The following ACRV1 variants were observed in gnomAD, a reference collection of about 807,000 sequenced individuals.
The protein encoded by ACRV1 is acrosomal protein SP-10.
A neutral mutation model predicts 29.2 loss-of-function variants in ACRV1; 17 were observed. That is an observed-to-expected ratio of 0.58 (90% CI 0.40 to 0.87). The LOEUF (loss-of-function observed/expected upper bound fraction) is 0.87. Among genes scored for constraint, ACRV1 ranks in the 40% least tolerant of loss-of-function variants. The pLI is 0.00. For synonymous variants in ACRV1, 98 were observed against 111.6 expected (o/e 0.88, Z 0.77); for missense variants, 294 against 316.0 (o/e 0.93, Z 0.53).
In ACRV1 at chr11:125,672,369, C is replaced by A. The variant is rs1350659735; in HGVS notation, c.*224G>T. On this transcript the variant is annotated 3_prime_UTR_variant, in exon 4 of 4. Coordinates refer to ENST00000533904, the MANE Select transcript of ACRV1 (RefSeq NM_001612.6). ...ATGTGAAATTTATTGAAAAAAAAAT[C>A]AGGAATATTGAGAGAAAGAGTTGGA... The A allele has an allele frequency of 8.3e-6, 4 of 479,130 alleles. No individual in the cohort carries two copies. Among genetic ancestry groups the A allele is most frequent in the East Asian group, 3.5e-5 (1 of 28,226 alleles). The allele number at this position is 479,130 out of a possible 1,614,324, so 29.7% of individuals were successfully genotyped here. A position where few individuals can be genotyped will look rare whatever the true frequency, so the allele number is the denominator to read the frequency against.
At position 125,680,732 on chromosome 11, in the gene ACRV1, T is replaced by G. The variant is rs751235218; in HGVS notation, c.49A>C (p.Arg17=). 2 of 1,613,430 alleles carry G rather than the reference T, an allele frequency of 1.2e-6. No individual in the cohort carries two copies. The highest frequency in any genetic ancestry group is 4.5e-5 in the East Asian group (2 of 44,882). ...GAAGCCTAGATCAAACACTCACCTC[T>G]GGCAGATCCAAGCAGATAAAGACTC... ...LMSLYLLGSA[R]GTSSQPNELS... The change falls in exon 1 of 4, where the codon AGA becomes CGA. Residue 17 remains arginine (R), a synonymous_variant. Transcript: ENST00000533904.
chr11:125,680,801 G>A lies in ACRV1; in HGVS notation c.-21C>T. The A allele has an allele frequency of 1.9e-6, 3 of 1,610,838 alleles. No homozygotes were observed. The highest frequency in any genetic ancestry group is 2.5e-6 in the Non-Finnish European group (3 of 1,177,364). ...TTCATCTGGATTTAGGAAAAGAGGG[G>A]ACCCCAGTGTGGGCCACAGCTTCTT... On this transcript the variant is annotated 5_prime_UTR_variant, in exon 1 of 4. Coordinates refer to ENST00000533904, the MANE Select transcript of ACRV1 (RefSeq NM_001612.6).
At chr11:125,674,664 A>C (rs1159739478) in intron 3 of ACRV1, among the ~76,000 whole-genome samples, 1 of 152,210 alleles carries the variant, frequency 6.6e-6, no homozygotes, top group Non-Finnish European at 1.5e-5. Context: ...ATCTTCCTGA[A>C]GAAGCGCTTT....
Position 125,680,786 on chromosome 11 carries a change from T to C in ACRV1, c.-6A>G. On this transcript the variant is annotated 5_prime_UTR_variant, in exon 1 of 4. Transcript: ENST00000533904. Reference sequence around the variant, plus strand: ...AGCAAGAGAAACCTGTTCATCTGGATTTAGGAAAAGAGGGGACCCCAGTGT... The same window carrying C: ...AGCAAGAGAAACCTGTTCATCTGGACTTAGGAAAAGAGGGGACCCCAGTGT... 1 of 1,613,364 alleles carries C rather than the reference T, an allele frequency of 6.2e-7. No homozygotes were observed. The highest frequency in any genetic ancestry group is 8.5e-7 in the Non-Finnish European group (1 of 1,179,500).
intron 3 of ACRV1, 78 bp from the exon 4 acceptor site, chr11:125,672,795 C>T (rs1942265834): frequency 1.9e-6 from 3 of 1,562,758 alleles, no homozygotes; most frequent in Non-Finnish European, 2.6e-6. Flanking sequence ...TGCTCAGTGT[C>T]TCCATGCAGG....
intron 3 of ACRV1, 115 bp from the exon 4 acceptor site, chr11:125,672,832 A>T: frequency 7.8e-7 from 1 of 1,281,566 alleles, no homozygotes; most frequent in Non-Finnish European, 1.1e-6. Context: ...CTTGTCCATT[A>T]TCCCTTCTCT....
chr11:125,672,835 C>T, intron 3 of ACRV1, 118 bp from the exon 4 acceptor site: 1 of 1,254,724 alleles, frequency 8.0e-7, no homozygotes, highest in Non-Finnish European at 1.1e-6. Context: ...GTCCATTATC[C>T]CTTCTCTTTC....
At position 125,671,751 on chromosome 11, in the gene ACRV1, G is replaced by A. The variant is rs1942209620; in HGVS notation, c.*842C>T. Reference sequence around the variant, plus strand: ...GAGTATGAATAAAGAAAACATCTCTGTGTCACATTTCCTTATTTGCAAAAA... The same window carrying A: ...GAGTATGAATAAAGAAAACATCTCTATGTCACATTTCCTTATTTGCAAAAA... On this transcript the variant is annotated 3_prime_UTR_variant, in exon 4 of 4. Transcript: ENST00000533904. 6.6e-6 allele frequency: 1 copy of A among 152,154 alleles called. No homozygotes were observed. Among genetic ancestry groups the A allele is most frequent in the African/African-American group, 2.4e-5 (1 of 41,428 alleles). The allele number at this position is 152,154 out of a possible 1,614,324, so 9.4% of individuals were successfully genotyped here. A position where few individuals can be genotyped will look rare whatever the true frequency, so the allele number is the denominator to read the frequency against.
At chr11:125,675,101 C>A (rs923927391) in intron 3 of ACRV1, among the ~76,000 whole-genome samples, 1 of 152,190 alleles carries the variant, frequency 6.6e-6, no homozygotes, top group African/African-American at 2.4e-5. Context: ...ATTCTATTCC[C>A]AGAGATCCTG....
Position 125,678,748 on chromosome 11 carries a change from G to A in ACRV1, c.53-451C>T, listed in dbSNP as rs375378915. Among the ~76,000 whole-genome samples, 14 of 152,042 alleles carry A rather than the reference G, an allele frequency of 9.2e-5. No homozygotes were observed. In the South Asian group the frequency reaches 1.3e-3, roughly 14 times the overall value. On this transcript the variant is annotated intron_variant, in intron 1 of 3. Transcript: ENST00000533904. ...GATAGAAGAGGGAGAGAGAAAGCAA[G>A]TAGTTTTCAATACCTGAGTATTTGT... is the stretch of plus-strand genomic sequence containing the variant.
chr11:125,678,419 C>T, intron 1 of ACRV1, 122 bp from the exon 2 acceptor site: 2 of 1,138,132 alleles, frequency 1.8e-6, no homozygotes, highest in Non-Finnish European at 2.5e-6. Flanking sequence ...CTAGATTGGG[C>T]ACCTGAAGAC....
chr11:125,672,800 T>A, intron 3 of ACRV1, 83 bp from the exon 4 acceptor site: 2 of 1,542,140 alleles, frequency 1.3e-6, no homozygotes, highest in Non-Finnish European at 1.8e-6. Context: ...AGTGTCTCCA[T>A]GCAGGATGGT....
chr11:125,675,720 C>T (rs1942470267), intron 3 of ACRV1, among the ~76,000 whole-genome samples: 1 of 152,144 alleles, frequency 6.6e-6, no homozygotes. Context: ...TGACATTGTG[C>T]TAGGTCCCAG....
chr11:125,675,051 G>A (rs1314681002), intron 3 of ACRV1, among the ~76,000 whole-genome samples: 1 of 152,056 alleles, frequency 6.6e-6, no homozygotes, highest in Non-Finnish European at 1.5e-5. Context: ...ACTGCACATC[G>A]GAATTGTCTA....
intron 1 of ACRV1, 130 bp from the exon 2 acceptor site, chr11:125,678,427 G>A: frequency 9.3e-7 from 1 of 1,074,410 alleles, no homozygotes; most frequent in African/African-American, 1.6e-5. Context: ...GGCACCTGAA[G>A]ACTGCAGATG....
chr11:125,675,703 A>C lies in ACRV1; in HGVS notation c.673+656T>G, dbSNP rs548321627. Among the ~76,000 whole-genome samples, 12 of 152,290 alleles carry C rather than the reference A, an allele frequency of 7.9e-5. No homozygotes were observed. The East Asian group carries it at 1.5e-3, about 20-fold the overall frequency. ...ATTCAATATTTACTAAATGCCTACC[A>C]TATGCTTGACATTGTGCTAGGTCCC... On this transcript the variant is annotated intron_variant, in intron 3 of 3. Transcript: ENST00000533904.
intron 3 of ACRV1, among the ~76,000 whole-genome samples, chr11:125,673,098 CCT>C (rs1942283344): frequency 6.6e-6 from 1 of 151,556 alleles, no homozygotes; most frequent in African/African-American, 2.4e-5. Context: ...TATGCCGAAA[CCT>C]CTCTCAAAAG....
At chr11:125,678,789 C>T (rs771991705) in intron 1 of ACRV1, among the ~76,000 whole-genome samples, 8 of 151,338 alleles carry the variant, frequency 5.3e-5, no homozygotes, top group East Asian at 1.9e-4. Flanking sequence ...AAATTAAGGG[C>T]GGAAGAGTTA....
rs1942223910 is a variant in ACRV1, at chr11:125,672,285, C to T, written c.*308G>A. 1 of 246,780 alleles carries T rather than the reference C, an allele frequency of 4.1e-6. No homozygotes were observed. The highest frequency in any genetic ancestry group is 2.3e-5 in the African/African-American group (1 of 44,018). The allele number at this position is 246,780 out of a possible 1,614,324, so 15.3% of individuals were successfully genotyped here. On this transcript the variant is annotated 3_prime_UTR_variant, in exon 4 of 4. Coordinates refer to ENST00000533904, the MANE Select transcript of ACRV1 (RefSeq NM_001612.6). ...CGGTGTGGAAGGAAGCTCATGTTGACCCTGCAACTAGATTAATGGGGGAAA... is the reference window on the plus strand; with the variant it reads ...CGGTGTGGAAGGAAGCTCATGTTGATCCTGCAACTAGATTAATGGGGGAAA...
Sources: allele counts gnomAD v4.1 joint callset (sites outside exome capture counted in the v4.1 genomes callset), GRCh38; gene constraint gnomAD v4.1.1; transcripts MANE v1.5; gene names NCBI Gene and HGNC (gene_info 2026-07-23, HGNC 2026-07-21).